ROPN1B: variants seen among roughly 807,000 people sequenced by gnomAD.
ROPN1B encodes rhophilin associated tail protein 1B, also known as ropporin-1B.
Under a neutral mutation model 23.7 loss-of-function variants are expected in ROPN1B, and 13 were observed. The ratio of observed to expected loss-of-function variants is 0.55; its 90% confidence interval spans 0.36 to 0.87. ROPN1B has a LOEUF of 0.87. ROPN1B is among the 40% of genes least tolerant of loss of function. The pLI is 0.01. For synonymous variants in ROPN1B, 67 were observed against 100.4 expected (o/e 0.67, Z 1.99); for missense variants, 183 against 249.2 (o/e 0.73, Z 1.79).
At position 125,982,256 on chromosome 3, in the gene ROPN1B, T is replaced by C. The variant is rs2270986; in HGVS notation, c.397-14T>C. 0.2 allele frequency: 311,452 copies of C among 1,571,596 alleles called. 31,864 individuals are homozygous for C. Among genetic ancestry groups the C allele is most frequent in the Middle Eastern group, 0.24 (1,434 of 5,968 alleles). ...GAAGAGTAACTTTCTCCTCATTTTA[T>C]GTAACTTTTATAGACTATTACCAAA... On this transcript the variant is annotated splice_polypyrimidine_tract_variant and intron_variant, in intron 5 of 6. Transcript: ENST00000514116.
intron 5 of ROPN1B, among the ~76,000 whole-genome samples, chr3:125,978,440 A>G (rs1480393334): frequency 6.6e-6 from 1 of 152,216 alleles, no homozygotes; most frequent in Non-Finnish European, 1.5e-5. Flanking sequence ...TCCAATCCTG[A>G]AATTTTAGTC....
chr3:125,982,326 T>A lies in ROPN1B; in HGVS notation c.453T>A (p.Gly151=). The change falls in exon 6 of 7, where the codon GGT becomes GGA. Residue 151 remains glycine (G), a synonymous_variant. Transcript: ENST00000514116. Reference sequence around the variant, plus strand: ...AGGTCTTATCATGTGACCACAATGGTGGGTTGCCCCGAATCCCATTCAGCA... The same window carrying A: ...AGGTCTTATCATGTGACCACAATGGAGGGTTGCCCCGAATCCCATTCAGCA... ...VCEVLSCDHN[G]GLPRIPFSTF... 6.2e-7 allele frequency: 1 copy of A among 1,613,456 alleles called. No individual in the cohort carries two copies.
chr3:125,973,136 G>C (rs1021433961), intron 3 of ROPN1B: 1 of 342,734 alleles, frequency 2.9e-6, no homozygotes, highest in East Asian at 8.1e-5. Flanking sequence ...GTGGGAAAGT[G>C]AGAGTGAGAG....
chr3:125,976,317 A>G (rs2107603414), intron 4 of ROPN1B, among the ~76,000 whole-genome samples: 1 of 152,336 alleles, frequency 6.6e-6, no homozygotes, highest in East Asian at 1.9e-4. Flanking sequence ...GCATTTCACT[A>G]GAATCAGACA....
chr3:125,977,198 G>A (rs1267324976), intron 5 of ROPN1B, 33 bp downstream of exon 5: 2 of 694,594 alleles, frequency 2.9e-6, no homozygotes, highest in African/African-American at 1.8e-5. Context: ...TGTTCCTGAA[G>A]GGGAAATCTC....
intron 6 of ROPN1B, 61 bp downstream of exon 6, chr3:125,982,506 A>G: frequency 7.1e-7 from 1 of 1,403,954 alleles, no homozygotes. Flanking sequence ...CTATGGGGCC[A>G]AGACAGAGTG....
chr3:125,976,808 T>C, intron 4 of ROPN1B, 196 bp from the exon 5 acceptor site: 1 of 795,412 alleles, frequency 1.3e-6, no homozygotes, highest in East Asian at 2.5e-5. Context: ...ATTAATAAAT[T>C]ATATTTCAGC....
At position 125,972,034 on chromosome 3, in the gene ROPN1B, T is replaced by A; in HGVS notation, c.-12-9T>A. On this transcript the variant is annotated splice_polypyrimidine_tract_variant and intron_variant, in intron 2 of 6. Coordinates refer to ENST00000514116, the MANE Select transcript of ROPN1B (RefSeq NM_001308313.2). ...TTTTCATCTTATGTATTTTTTCTCC[T>A]GAGAATAGGTCAACCAATCAATGGC... 6.2e-7 allele frequency: 1 copy of A among 1,611,690 alleles called. No individual in the cohort carries two copies. Among genetic ancestry groups the A allele is most frequent in the Non-Finnish European group, 8.5e-7 (1 of 1,178,294 alleles).
chr3:125,983,414 C>A lies in ROPN1B; in HGVS notation c.*94C>A. ...ACCACCTAAAATCAATTTTCTTGTACAACTGGTACACACTAATAAACAAAC... is the reference window on the plus strand; with the variant it reads ...ACCACCTAAAATCAATTTTCTTGTAAAACTGGTACACACTAATAAACAAAC... On this transcript the variant is annotated 3_prime_UTR_variant, in exon 7 of 7. Transcript: ENST00000514116. 1 of 820,740 alleles carries A rather than the reference C, an allele frequency of 1.2e-6. No homozygotes were observed. Among genetic ancestry groups the A allele is most frequent in the Non-Finnish European group, 2.1e-6 (1 of 470,294 alleles). The allele number at this position is 820,740 out of a possible 1,614,324, so 50.8% of individuals were successfully genotyped here.
intron 3 of ROPN1B, among the ~76,000 whole-genome samples, chr3:125,974,178 C>T (rs181815977): frequency 1.3e-5 from 2 of 152,290 alleles, no homozygotes; most frequent in East Asian, 3.9e-4. Flanking sequence ...GTCTCTGTCC[C>T]TCCCATTTAT....
At chr3:125,978,518 T>A (rs148936181) in intron 5 of ROPN1B, among the ~76,000 whole-genome samples, 7,690 of 152,290 alleles carry the variant, frequency 0.05, 605 homozygotes, top group African/African-American at 0.17. Flanking sequence ...CACCACGCTC[T>A]CTTCTCCAAG....
rs750183822 is a variant in ROPN1B, at chr3:125,972,086, C to A, written c.32C>A (p.Pro11Gln). The change falls in exon 3 of 7, where the codon CCG becomes CAG. Residue 11 changes from proline (P) to glutamine (Q), a missense_variant. By Grantham distance (76) the Pro-to-Gln change is moderately conservative. This residue lies in a region of ROPN1B where 97 missense variants were observed against 99.6 expected (regional missense o/e 0.97). Coordinates refer to ENST00000514116, the MANE Select transcript of ROPN1B (RefSeq NM_001308313.2). ...CAGACAGATAAGCCAACATGCATCC[C>A]GCCGGAGCTGCCGAAAATGCTGAAG... MAQTDKPTCI[P>Q]PELPKMLKEF... The A allele has an allele frequency of 1.2e-6, 2 of 1,614,188 alleles. No individual in the cohort carries two copies. The highest frequency in any genetic ancestry group is 1.7e-6 in the Non-Finnish European group (2 of 1,180,028).
chr3:125,980,015 A>G (rs1227018615), intron 5 of ROPN1B, among the ~76,000 whole-genome samples: 3 of 152,250 alleles, frequency 2.0e-5, no homozygotes. Context: ...TGTAGAAAAT[A>G]ATCATGTTCA....
chr3:125,971,642 A>G (rs1938209125), intron 2 of ROPN1B, among the ~76,000 whole-genome samples: 1 of 152,234 alleles, frequency 6.6e-6, no homozygotes, highest in Non-Finnish European at 1.5e-5. Context: ...TAAGAGCTGG[A>G]TGACATGCAA....
At chr3:125,972,222 G>T in intron 3 of ROPN1B, 52 bp downstream of exon 3, 1 of 1,593,076 alleles carries the variant, frequency 6.3e-7, no homozygotes. Context: ...GGGGAGAGAG[G>T]GTCCTGTAAA....
At chr3:125,982,831 G>A (rs1215432534) in intron 6 of ROPN1B, among the ~76,000 whole-genome samples, 2 of 152,168 alleles carry the variant, frequency 1.3e-5, no homozygotes, top group East Asian at 1.9e-4. Flanking sequence ...AAGTGGAGGA[G>A]GAGGATGAGA....
intron 5 of ROPN1B, among the ~76,000 whole-genome samples, chr3:125,979,959 C>T (rs1364952247): frequency 6.6e-6 from 1 of 152,234 alleles, no homozygotes; most frequent in Non-Finnish European, 1.5e-5. Context: ...CCTATGCCAC[C>T]TCCTGTTCCA....
rs1252652939 is a variant in ROPN1B, at chr3:125,975,689, C to T, written c.234+9C>T. The T allele has an allele frequency of 4.4e-6, 7 of 1,605,596 alleles. No individual in the cohort carries two copies. The highest frequency in any genetic ancestry group is 6.0e-6 in the Non-Finnish European group (7 of 1,174,684). Reference sequence around the variant, plus strand: ...AGATCCTGCATTCTCAGGTAAGGGCCCTGCTGCAGCATTGAGGAGAATGTA... The same window carrying T: ...AGATCCTGCATTCTCAGGTAAGGGCTCTGCTGCAGCATTGAGGAGAATGTA... On this transcript the variant is annotated intron_variant, in intron 4 of 6. Transcript: ENST00000514116.
chr3:125,977,265 T>C, intron 5 of ROPN1B, 100 bp downstream of exon 5: 3 of 1,369,634 alleles, frequency 2.2e-6, no homozygotes, highest in African/African-American at 3.1e-5. Flanking sequence ...GCAGGGCTGA[T>C]GATAAACATG....
Sources: gnomAD v4.1 joint callset for allele counts (sites outside exome capture counted in the v4.1 genomes callset) on GRCh38, gnomAD v4.1.1 for gene constraint, gnomAD v4.1.1 regional missense constraint, MANE v1.5 for transcripts, NCBI Gene and HGNC (gene_info 2026-07-23, HGNC 2026-07-21) for gene names.